The following CPNE4 variants were observed in gnomAD, a reference collection of about 807,000 sequenced individuals.
CPNE4 encodes copine-4.
In CPNE4, 25 loss-of-function variants were observed where a neutral mutation model predicts 67.9. The observed-to-expected ratio is 0.37, with a 90% CI of 0.27 to 0.51. The LOEUF is 0.51. CPNE4 is among the 20% of genes least tolerant of loss of function. The probability of loss-of-function intolerance (pLI) is 0.93; values close to 1 mark genes in which losing one functional copy is unlikely to be tolerated. For missense variants in CPNE4, 464 were observed against 690.8 expected (o/e 0.67, Z 3.68); for synonymous variants, 242 against 244.9 (o/e 0.99, Z 0.11).
rs1423693222 is a variant in CPNE4, at chr3:131,885,594, GGTTA to G, written c.180+19666_180+19669del. Reference sequence around the variant, plus strand: ...TTAGGGTACATGTGCACATTGTGCAGGTTAGTTACATACGTATACATTTGCCATG... The same window carrying G: ...TTAGGGTACATGTGCACATTGTGCAGGTTACATACGTATACATTTGCCATG... On this transcript the variant is annotated intron_variant, in intron 2 of 15. Coordinates refer to ENST00000429747, the MANE Select transcript of CPNE4 (RefSeq NM_130808.3). Among the ~76,000 whole-genome samples, 4 of 151,674 alleles carry G rather than the reference GGTTA, an allele frequency of 2.6e-5. No homozygotes were observed. In the South Asian group the frequency reaches 8.3e-4, roughly 32 times the overall value.
chr3:131,715,568 T>C (rs759991734), intron 3 of CPNE4, among the ~76,000 whole-genome samples: 3 of 152,232 alleles, frequency 2.0e-5, no homozygotes, highest in African/African-American at 7.2e-5. Context: ...AAAATGGTAA[T>C]AATGGTAGTG....
chr3:131,655,315 T>A (rs2079925778), intron 7 of CPNE4, among the ~76,000 whole-genome samples: 3 of 152,188 alleles, frequency 2.0e-5, no homozygotes, highest in Admixed American at 1.3e-4. Flanking sequence ...CTGGAGATTC[T>A]GATGTTGCTA....
rs1553758897 is a variant in CPNE4 at position 131,717,890 on chromosome 3, C to CTTTCT, written c.360+5551_360+5555dup. 5.7e-4 allele frequency among the ~76,000 whole-genome samples: 34 copies of CTTTCT among 59,688 alleles called. 1 individual carries two copies. Among genetic ancestry groups the CTTTCT allele is most frequent in the Admixed American group, 2.1e-3 (11 of 5,284 alleles). The allele number at this position is 59,688 out of a possible 152,430, so 39.2% of individuals were successfully genotyped here. On this transcript the variant is annotated intron_variant, in intron 3 of 15. Coordinates refer to ENST00000429747, the MANE Select transcript of CPNE4 (RefSeq NM_130808.3). ...CTTTCTTTCTTTTCTTTCTTTCTTT[C>CTTTCT]TTTCTTTCTTTCTTTCTTTCTTTCT...
chr3:131,613,945 T>C (rs145368639), intron 7 of CPNE4, among the ~76,000 whole-genome samples: 6 of 152,330 alleles, frequency 3.9e-5, no homozygotes, highest in African/African-American at 9.6e-5. Flanking sequence ...ATTTAAGATG[T>C]ATTTTTAAAC....
intron 2 of CPNE4, among the ~76,000 whole-genome samples, chr3:131,742,906 A>C: frequency 6.6e-6 from 1 of 152,192 alleles, no homozygotes; most frequent in East Asian, 1.9e-4. Context: ...TTACTACTAA[A>C]GAAGGAAGAC....
chr3:132,001,515 TGAGAGA>T (rs139256760), intron 1 of CPNE4, among the ~76,000 whole-genome samples: 1 of 127,490 alleles, frequency 7.8e-6, no homozygotes, highest in African/African-American at 3.0e-5. Flanking sequence ...CTTGTAATTG[TGAGAGA>T]GAGAGAGAGA....
intron 1 of CPNE4, among the ~76,000 whole-genome samples, chr3:131,937,605 A>G (rs2071261599): frequency 6.6e-6 from 1 of 152,160 alleles, no homozygotes; most frequent in Non-Finnish European, 1.5e-5. Context: ...GACCAAAATA[A>G]ACTGTCAGTA....
intron 1 of CPNE4, among the ~76,000 whole-genome samples, chr3:131,999,777 T>C (rs1422771614): frequency 6.6e-6 from 1 of 151,986 alleles, no homozygotes; most frequent in African/African-American, 2.4e-5. Flanking sequence ...ATTTTTTTCA[T>C]AGTAAAACTT....
chr3:131,941,189 A>AGT (rs2071374389), intron 1 of CPNE4, among the ~76,000 whole-genome samples: 1 of 152,128 alleles, frequency 6.6e-6, no homozygotes, highest in Non-Finnish European at 1.5e-5. Flanking sequence ...GTTGTTAAAT[A>AGT]CAACCATTAA....
At chr3:131,945,767 A>G (rs1381076) in intron 1 of CPNE4, among the ~76,000 whole-genome samples, 24,628 of 152,118 alleles carry the variant, frequency 0.16, 2,213 homozygotes, top group African/African-American at 0.25. Flanking sequence ...AGAGGACCTA[A>G]CCTGACACAC....
At chr3:131,574,140 CT>C (rs566106706) in intron 10 of CPNE4, among the ~76,000 whole-genome samples, 15 of 152,142 alleles carry the variant, frequency 9.9e-5, no homozygotes, top group Admixed American at 9.8e-4. Flanking sequence ...ATTTTATTTC[CT>C]TTTTTCAAAT....
At chr3:131,816,253 G>C (rs925658025) in intron 2 of CPNE4, among the ~76,000 whole-genome samples, 11 of 152,218 alleles carry the variant, frequency 7.2e-5, no homozygotes, top group Non-Finnish European at 1.3e-4. Flanking sequence ...CTGATACTCA[G>C]ATACTGATGA....
intron 2 of CPNE4, among the ~76,000 whole-genome samples, chr3:131,732,484 C>T (rs1285036624): frequency 6.6e-6 from 1 of 152,200 alleles, no homozygotes; most frequent in Non-Finnish European, 1.5e-5. Flanking sequence ...ATGGAAAGCA[C>T]CAGTAGGAGA....
intron 2 of CPNE4, among the ~76,000 whole-genome samples, chr3:131,855,795 A>G (rs2107654513): frequency 6.6e-6 from 1 of 152,062 alleles, no homozygotes; most frequent in South Asian, 2.1e-4. Flanking sequence ...TCTTCCAGAC[A>G]TTGCTCAGCT....
intron 3 of CPNE4, among the ~76,000 whole-genome samples, chr3:131,720,292 T>G (rs1415678650): frequency 1.3e-5 from 2 of 150,140 alleles, no homozygotes; most frequent in Non-Finnish European, 3.0e-5. Context: ...GGGTTTTTTT[T>G]TTTTTTTTTT....
chr3:131,940,673 A>G (rs1327596915), intron 1 of CPNE4, among the ~76,000 whole-genome samples: 1 of 152,084 alleles, frequency 6.6e-6, no homozygotes, highest in Non-Finnish European at 1.5e-5. Flanking sequence ...TTTTCTTATG[A>G]GGTAACTCTC....
At chr3:131,791,625 C>T (rs1293196887) in intron 2 of CPNE4, among the ~76,000 whole-genome samples, 1 of 152,126 alleles carries the variant, frequency 6.6e-6, no homozygotes, top group Non-Finnish European at 1.5e-5. Flanking sequence ...AGTTCTTAGG[C>T]AGTTCAATTT....
At chr3:131,978,504 T>A (rs1292502192) in intron 1 of CPNE4, among the ~76,000 whole-genome samples, 16 of 70,350 alleles carry the variant, frequency 2.3e-4, no homozygotes, top group East Asian at 7.8e-4. Flanking sequence ...ATTTATATAT[T>A]TATATATATT....
intron 7 of CPNE4, among the ~76,000 whole-genome samples, chr3:131,663,068 C>G (rs998627943): frequency 6.6e-6 from 1 of 152,088 alleles, no homozygotes; most frequent in Non-Finnish European, 1.5e-5. Context: ...ACCCAAATGC[C>G]CATTAATGAT....
Sources: allele counts gnomAD v4.1 joint callset (sites outside exome capture counted in the v4.1 genomes callset), GRCh38; gene constraint gnomAD v4.1.1; transcripts MANE v1.5; gene names NCBI Gene and HGNC (gene_info 2026-07-23, HGNC 2026-07-21).